The following CDK12 variants were observed in gnomAD, a reference collection of about 807,000 sequenced individuals.
CDK12 encodes the protein cyclin-dependent kinase 12.
A neutral mutation model predicts 133.8 loss-of-function variants in CDK12; 17 were observed. The ratio of observed to expected loss-of-function variants is 0.13; its 90% CI spans 0.09 to 0.19. CDK12 has a LOEUF of 0.19. CDK12 is among the 10% of genes least tolerant of loss of function. The pLI is 1.00. For missense variants in CDK12, 1,508 were observed against 1,818.7 expected, an observed-to-expected ratio of 0.83 and a Z score of 3.11; for synonymous variants, 694 against 683.6, an observed-to-expected ratio of 1.02 and a Z score of -0.24.
rs2144888780 is a variant in CDK12, at chr17:39,462,648, G to A, written c.577G>A (p.Gly193Arg). Residue 193 changes from glycine (G) to arginine (R), a missense_variant, in exon 1 of 14, where the codon GGG becomes AGG. This residue lies in a region of CDK12 where 460 missense variants were observed against 490.8 expected (regional missense o/e 0.94). Transcript: ENST00000447079. ...CAGGAAAGAACGGGAGCTGAAGTCT[G>A]GGCACAAAGACCGGAGTAAAAGTCA... ...KTRKERELKS[G>R]HKDRSKSHRK... The A allele has an allele frequency of 6.2e-7, 1 of 1,614,046 alleles. No homozygotes were observed. The highest frequency in any genetic ancestry group is 8.5e-7 in the Non-Finnish European group (1 of 1,180,016).
intron 5 of CDK12, among the ~76,000 whole-genome samples, chr17:39,498,886 T>C (rs188415345): frequency 0.81 from 101 of 124 alleles, 43 homozygotes; most frequent in African/African-American, 0.85. Context: ...TTTCTTTCTT[T>C]CTTTCTTTCT....
At chr17:39,557,336 A>G (rs113375265) in intron 3 of CDK12, among the ~76,000 whole-genome samples, 11 of 152,168 alleles carry the variant, frequency 7.2e-5, no homozygotes, top group Non-Finnish European at 1.3e-4. Context: ...TGATCTGGTT[A>G]TGCTGCTGCT....
intron 2 of CDK12, among the ~76,000 whole-genome samples, chr17:39,476,078 T>A (rs1158442431): frequency 1.3e-5 from 2 of 151,924 alleles, no homozygotes; most frequent in Non-Finnish European, 2.9e-5. Flanking sequence ...TTTTTTTTTT[T>A]ACTTCAGAAA....
At chr17:39,485,186 AAAG>A (rs1053434048) in intron 2 of CDK12, among the ~76,000 whole-genome samples, 1 of 151,782 alleles carries the variant, frequency 6.6e-6, no homozygotes, top group African/African-American at 2.4e-5. Flanking sequence ...AAAAAAAAAA[AAAG>A]TTCAGACACT....
At chr17:39,502,661 A>AT (rs1271827215) in intron 6 of CDK12, among the ~76,000 whole-genome samples, 1 of 152,180 alleles carries the variant, frequency 6.6e-6, no homozygotes, top group Non-Finnish European at 1.5e-5. Flanking sequence ...TTCAGTAAAC[A>AT]TTTATTAAGG....
At chr17:39,463,769 T>G (rs1291200227) in intron 1 of CDK12, among the ~76,000 whole-genome samples, 1 of 151,884 alleles carries the variant, frequency 6.6e-6, no homozygotes, top group Non-Finnish European at 1.5e-5. Context: ...TGACCTACCT[T>G]GTGACCGCTG....
chr17:39,493,202 T>C (rs2051789886), intron 4 of CDK12, among the ~76,000 whole-genome samples: 1 of 146,400 alleles, frequency 6.8e-6, no homozygotes, highest in Non-Finnish European at 1.5e-5. Flanking sequence ...AGGGTTCCAC[T>C]ATGTCGTCCA....
intron 2 of CDK12, among the ~76,000 whole-genome samples, chr17:39,485,160 A>G (rs1281085163): frequency 7.2e-6 from 1 of 138,556 alleles, no homozygotes; most frequent in Admixed American, 7.8e-5. Flanking sequence ...ACAGGGCGAG[A>G]CTCTGTCTCA....
intron 11 of CDK12, among the ~76,000 whole-genome samples, chr17:39,521,307 C>T (rs540091320): frequency 1.4e-3 from 210 of 152,136 alleles, no homozygotes; most frequent in Middle Eastern, 6.8e-3. Flanking sequence ...TTTCACTCTT[C>T]GCATCCAGGC....
At chr17:39,536,058 T>C (rs1567799596), downstream of CDK12, among the ~76,000 whole-genome samples, 1 of 152,214 alleles carries the variant, frequency 6.6e-6, no homozygotes, top group East Asian at 1.9e-4. Context: ...GTGTTCCTAA[T>C]TAGGAATTCT....
At chr17:39,478,061 C>T (rs1383784222) in intron 2 of CDK12, among the ~76,000 whole-genome samples, 2 of 149,350 alleles carry the variant, frequency 1.3e-5, no homozygotes, top group African/African-American at 2.5e-5. Context: ...CCTCCTCCAC[C>T]TCTTTTTTTT....
At chr17:39,505,148 G>A (rs1164826458) in intron 6 of CDK12, among the ~76,000 whole-genome samples, 1 of 149,264 alleles carries the variant, frequency 6.7e-6, no homozygotes, top group African/African-American at 2.5e-5. Context: ...GGAATCACTT[G>A]AACCCAGGAG....
exon 1 of CDK12, chr17:39,550,429 G>A (rs965709252): frequency 2.6e-5 from 4 of 152,252 alleles, no homozygotes; most frequent in African/African-American, 9.7e-5. Flanking sequence ...CAAAATCACA[G>A]CCAGAATATA....
intron 2 of CDK12, 76 bp from the exon 3 acceptor site, chr17:39,490,481 G>A (rs2051501744): frequency 3.2e-6 from 3 of 951,120 alleles, no homozygotes; most frequent in Non-Finnish European, 4.6e-6. Flanking sequence ...TCGTAACCAG[G>A]CATTATGATC....
chr17:39,482,947 CTG>C (rs1436837543), intron 2 of CDK12, among the ~76,000 whole-genome samples: 8 of 144,016 alleles, frequency 5.6e-5, no homozygotes. Context: ...GAGTCTCACT[CTG>C]TCCTCTAGGC....
intron 2 of CDK12, among the ~76,000 whole-genome samples, chr17:39,475,009 A>G (rs1177160914): frequency 1.3e-5 from 2 of 151,258 alleles, no homozygotes; most frequent in East Asian, 2.0e-4. Context: ...TAATTTTTGT[A>G]TTTTTAGTAG....
chr17:39,565,443 G>GTTTGTTTGTTTGTTTT (rs2056539232), downstream of CDK12, among the ~76,000 whole-genome samples: 1 of 148,350 alleles, frequency 6.7e-6, no homozygotes, highest in South Asian at 2.1e-4. Flanking sequence ...TTGTTTGTTT[G>GTTTGTTTGTTTGTTTT]TTTAAAAAAA....
intron 5 of CDK12, among the ~76,000 whole-genome samples, chr17:39,498,411 T>C (rs1470022994): frequency 6.6e-6 from 1 of 151,926 alleles, no homozygotes; most frequent in Non-Finnish European, 1.5e-5. Flanking sequence ...TTAGTAGAGA[T>C]GGGGTTTCAC....
intron 2 of CDK12, among the ~76,000 whole-genome samples, chr17:39,477,773 C>T (rs2050332916): frequency 6.6e-6 from 1 of 151,374 alleles, no homozygotes. Context: ...TGGGGTTTCG[C>T]CGTGTTAGCC....
Sources: gnomAD v4.1 joint callset for allele counts (sites outside exome capture counted in the v4.1 genomes callset) on GRCh38, gnomAD v4.1.1 for gene constraint, gnomAD v4.1.1 regional missense constraint, MANE v1.5 for transcripts, NCBI Gene and HGNC (gene_info 2026-07-23, HGNC 2026-07-21) for gene names.